Variants in PAX9 observed in about 807,000 individuals in gnomAD.
The protein encoded by PAX9 is paired box 9, also known as paired box protein Pax-9.
PAX9 carries 6 observed loss-of-function variants against 29.1 expected under a neutral mutation model. The observed-to-expected ratio is 0.21, with a 90% CI of 0.11 to 0.41. The LOEUF is 0.41. Among genes scored for constraint, PAX9 ranks in the 10% least tolerant of loss-of-function variants. The pLI is 1.00. For synonymous variants in PAX9, 217 were observed against 211.7 expected (o/e 1.03, Z -0.22); for missense variants, 443 against 479.1 (o/e 0.92, Z 0.70).
chr14:36,672,852 C>CTTTTTTTTTTTGTTTT (rs1881740516), intron 3 of PAX9, among the ~76,000 whole-genome samples: 1 of 19,146 alleles, frequency 5.2e-5, no homozygotes, highest in Non-Finnish European at 9.6e-5. Context: ...TTCTTTCTTC[C>CTTTTTTTTTTTGTTTT]TTTTTTTTTT....
intron 2 of PAX9, chr14:36,666,131 C>T (rs1203802473): frequency 3.2e-6 from 1 of 313,082 alleles, no homozygotes; most frequent in Non-Finnish European, 6.0e-6. Context: ...AGGGTTCCTT[C>T]TCCGATTTAG....
chr14:36,664,840 C>G (rs1881427421), intron 2 of PAX9, among the ~76,000 whole-genome samples: 2 of 152,062 alleles, frequency 1.3e-5, no homozygotes, highest in South Asian at 4.1e-4. Flanking sequence ...TTCTTGTTTT[C>G]TGACTGCAAG....
chr14:36,671,136 A>G (rs1465523051), intron 3 of PAX9: 1 of 386,610 alleles, frequency 2.6e-6, no homozygotes, highest in Non-Finnish European at 5.1e-6. Flanking sequence ...CTTTATTATA[A>G]AGCCAAGGTA....
At chr14:36,670,295 G>A (rs1353324362) in intron 3 of PAX9, among the ~76,000 whole-genome samples, 1 of 152,018 alleles carries the variant, frequency 6.6e-6, no homozygotes, top group Non-Finnish European at 1.5e-5. Flanking sequence ...ACTAGCTACA[G>A]ACTGAGATGT....
intron 3 of PAX9, among the ~76,000 whole-genome samples, chr14:36,668,002 A>G (rs973490821): frequency 2.0e-5 from 3 of 152,224 alleles, no homozygotes; most frequent in African/African-American, 7.2e-5. Context: ...GATATTCCCA[A>G]CCCAGAGATG....
chr14:36,665,959 A>G (rs183471290), intron 2 of PAX9: 169 of 160,052 alleles, frequency 1.1e-3, no homozygotes, highest in African/African-American at 4.0e-3. Context: ...CTCTATTGAC[A>G]TAAGTACCAG....
In PAX9 at chr14:36,663,363, C is replaced by T. The variant is rs1478726366; in HGVS notation, c.471C>T (p.Asn157=). The T allele has an allele frequency of 1.2e-6, 2 of 1,614,058 alleles. No individual in the cohort carries two copies. The highest frequency in any genetic ancestry group is 1.7e-5 in the Admixed American group (1 of 60,036). Residue 157 remains asparagine, a synonymous_variant, in exon 2 of 4, where the codon AAC becomes AAT. Transcript: ENST00000361487. ...QPTPQPALPY[N]HIYSYPSPIT... is the part of the protein sequence containing the mutation. ...CGCCGCAGCCAGCGCTGCCCTACAA[C>T]CACATCTACTCGTACCCCAGCCCTA...
At chr14:36,667,008 C>G (rs1051765086) in intron 3 of PAX9, among the ~76,000 whole-genome samples, 1 of 152,164 alleles carries the variant, frequency 6.6e-6, no homozygotes, top group Non-Finnish European at 1.5e-5. Context: ...GCCCTGGGGC[C>G]TCAGAGCCGC....
Position 36,666,596 on chromosome 14 carries a change from G to A in PAX9, c.766G>A (p.Gly256Ser), listed in dbSNP as rs1881502433. ...KGALEQEAKY[G>S]QAPNGLPAVG... ...AGCCCTGGAGCAGGAAGCCAAGTAC[G>A]GTCAGGTGAGGAGGCGAGGGTCAGG... Residue 256 changes from glycine to serine, a missense_variant, in exon 3 of 4, where the codon GGT becomes AGT. Coordinates refer to ENST00000361487, the MANE Select transcript of PAX9 (RefSeq NM_001372076.1). The A allele has an allele frequency of 6.4e-7, 1 of 1,565,766 alleles. No individual in the cohort carries two copies. The highest frequency in any genetic ancestry group is 1.7e-4 in the Middle Eastern group (1 of 5,992).
chr14:36,661,119 T>C (rs751783988), upstream of PAX9, among the ~76,000 whole-genome samples: 1 of 152,238 alleles, frequency 6.6e-6, no homozygotes, highest in Non-Finnish European at 1.5e-5. Flanking sequence ...GCACTGGCAA[T>C]TGGTCGACTT....
chr14:36,665,007 G>C (rs1048482363), intron 2 of PAX9, among the ~76,000 whole-genome samples: 1 of 151,986 alleles, frequency 6.6e-6, no homozygotes, highest in Non-Finnish European at 1.5e-5. Context: ...GGGCTCACAG[G>C]GGGATCTCAA....
At chr14:36,674,998 T>A (rs1881830551) in intron 3 of PAX9, among the ~76,000 whole-genome samples, 1 of 152,164 alleles carries the variant, frequency 6.6e-6, no homozygotes, top group Admixed American at 6.5e-5. Context: ...CCAAATAAAT[T>A]AAATTAGAAA....
chr14:36,661,042 G>A (rs1053431981), upstream of PAX9, among the ~76,000 whole-genome samples: 2 of 152,242 alleles, frequency 1.3e-5, no homozygotes, highest in African/African-American at 2.4e-5. Flanking sequence ...CGCTGCCACC[G>A]AGGGCCAGGG....
upstream of PAX9, among the ~76,000 whole-genome samples, chr14:36,660,554 C>T (rs750955383): frequency 6.6e-6 from 1 of 152,278 alleles, no homozygotes; most frequent in African/African-American, 2.4e-5. Flanking sequence ...TTCCTGGGTT[C>T]TTGCAACTTA....
In PAX9 at chr14:36,663,175, C is replaced by G. The variant is rs1881348704; in HGVS notation, c.283C>G (p.Pro95Ala). Residue 95 changes from proline to alanine, a missense_variant, in exon 2 of 4, where the codon CCC becomes GCC. This residue lies in a region of PAX9 where 107 missense variants were observed against 161.9 expected (regional missense o/e 0.66). Transcript: ENST00000361487. ...KHIRTYKQRD[P>A]GIFAWEIRDR... ...CATCCGGACCTACAAGCAGAGAGAC[C>G]CCGGCATCTTCGCCTGGGAGATCCG... is the stretch of plus-strand genomic sequence containing the variant. 6.2e-7 allele frequency: 1 copy of G among 1,614,098 alleles called. No individual in the cohort carries two copies. Among genetic ancestry groups the G allele is most frequent in the African/African-American group, 1.3e-5 (1 of 75,064 alleles).
In PAX9 at chr14:36,663,464, C is replaced by T; in HGVS notation, c.572C>T (p.Thr191Ile). The part of the protein sequence containing the change: ...AIPGSVAMPR[T>I]WPSSHSVTDI... ...CCCGGTTCGGTGGCCATGCCGCGCACCTGGCCCTCCTCGCACTCCGTCACC... is the reference window on the plus strand; with the variant it reads ...CCCGGTTCGGTGGCCATGCCGCGCATCTGGCCCTCCTCGCACTCCGTCACC... Residue 191 changes from threonine (T) to isoleucine (I), a missense_variant, in exon 2 of 4, where the codon ACC (threonine) becomes ATC (isoleucine). By Grantham distance (89) the Thr-to-Ile change is moderately conservative. Coordinates refer to ENST00000361487, the MANE Select transcript of PAX9 (RefSeq NM_001372076.1). The T allele has an allele frequency of 3.7e-6, 6 of 1,613,096 alleles. No individual in the cohort carries two copies. The highest frequency in any genetic ancestry group is 5.1e-6 in the Non-Finnish European group (6 of 1,179,866).
rs1345889447 is a variant in PAX9 at position 36,662,007 on chromosome 14, A to G, written c.-83A>G. On this transcript the variant is annotated 5_prime_UTR_variant, in exon 1 of 4. Transcript: ENST00000361487. ...GCGCCGGCGGTCGGCCGGGATAGCAACAGGCCGGGCCACTGAGGCGGTGCG... is the reference window on the plus strand; with the variant it reads ...GCGCCGGCGGTCGGCCGGGATAGCAGCAGGCCGGGCCACTGAGGCGGTGCG... The G allele has an allele frequency of 3.9e-6, 6 of 1,537,576 alleles. No individual in the cohort carries two copies. Among genetic ancestry groups the G allele is most frequent in the Non-Finnish European group, 3.5e-6 (4 of 1,135,554 alleles).
chr14:36,674,975 T>A (rs1881829824), intron 3 of PAX9, among the ~76,000 whole-genome samples: 1 of 152,174 alleles, frequency 6.6e-6, no homozygotes, highest in Non-Finnish European at 1.5e-5. Context: ...GATGTAGAAG[T>A]GAAAACAATA....
In PAX9 at chr14:36,679,179, CT is replaced by C. The variant is rs1555318108; in HGVS notation, c.*2735del. ...GTGCAACAGAGACACATTCTTATTTCTTTTTTTTCACAATTTTGTTTTGTTT... is the reference window on the plus strand; with the variant it reads ...GTGCAACAGAGACACATTCTTATTTCTTTTTTTCACAATTTTGTTTTGTTT... On this transcript the variant is annotated 3_prime_UTR_variant, in exon 4 of 4. Transcript: ENST00000361487. 2.0e-6 allele frequency: 2 copies of C among 984,682 alleles called. No homozygotes were observed. Among genetic ancestry groups the C allele is most frequent in the Non-Finnish European group, 2.4e-6 (2 of 829,436 alleles). The allele number at this position is 984,682 out of a possible 1,614,324, so 61.0% of individuals were successfully genotyped here.
Sources: allele counts gnomAD v4.1 joint callset (sites outside exome capture counted in the v4.1 genomes callset), GRCh38; gene constraint gnomAD v4.1.1; regional missense constraint gnomAD v4.1.1; transcripts MANE v1.5; gene names NCBI Gene and HGNC (gene_info 2026-07-23, HGNC 2026-07-21).